The following MEF2A variants were observed in gnomAD, a reference collection of about 807,000 sequenced individuals.
MEF2A encodes myocyte-specific enhancer factor 2A.
In MEF2A, 28 loss-of-function variants were observed where a neutral mutation model predicts 55.8. The observed-to-expected ratio is 0.50, with a 90% CI of 0.37 to 0.69. The LOEUF is 0.69. MEF2A is among the 30% of genes least tolerant of loss of function. MEF2A has a pLI of 0.00. For synonymous variants in MEF2A, 239 were observed against 227.1 expected, an observed-to-expected ratio of 1.05 and a Z score of -0.47; for missense variants, 528 against 626.2, an observed-to-expected ratio of 0.84 and a Z score of 1.67.
intron 1 of MEF2A, among the ~76,000 whole-genome samples, chr15:99,580,066 A>G (rs1965479545): frequency 6.6e-6 from 1 of 151,914 alleles, no homozygotes. Context: ...CACTATTTTC[A>G]GATTTTAGGG....
chr15:99,620,611 T>C (rs996259955), intron 2 of MEF2A, among the ~76,000 whole-genome samples: 2 of 152,180 alleles, frequency 1.3e-5, no homozygotes, highest in African/African-American at 4.8e-5. Flanking sequence ...AGGTTGATTC[T>C]GTGTCTTTGC....
At chr15:99,697,236 G>A (rs1299984382) in intron 8 of MEF2A, among the ~76,000 whole-genome samples, 2 of 151,862 alleles carry the variant, frequency 1.3e-5, no homozygotes, top group African/African-American at 4.8e-5. Context: ...GTCCTAGCCA[G>A]TACAGTTAGG....
chr15:99,616,006 T>C (rs1462700678), intron 2 of MEF2A, among the ~76,000 whole-genome samples: 2 of 152,096 alleles, frequency 1.3e-5, no homozygotes, highest in Non-Finnish European at 2.9e-5. Flanking sequence ...AAATAAAAAC[T>C]GTGTTGACTT....
intron 5 of MEF2A, chr15:99,671,715 A>AT: frequency 2.1e-6 from 3 of 1,425,652 alleles, no homozygotes; most frequent in Non-Finnish European, 2.8e-6. Flanking sequence ...TTGACCAAAC[A>AT]TCTTGTTGCT....
chr15:99,567,375 A>G (rs1960128927), intron 1 of MEF2A, among the ~76,000 whole-genome samples: 1 of 152,228 alleles, frequency 6.6e-6, no homozygotes, highest in Admixed American at 6.5e-5. Flanking sequence ...GGTTCTCTAA[A>G]GCTGTAATTA....
intron 4 of MEF2A, among the ~76,000 whole-genome samples, chr15:99,660,669 T>C (rs1460365214): frequency 6.6e-6 from 1 of 152,164 alleles, no homozygotes; most frequent in Non-Finnish European, 1.5e-5. Context: ...GCCACTGAGA[T>C]TTATGGATTT....
intron 7 of MEF2A, among the ~76,000 whole-genome samples, chr15:99,688,025 C>T (rs1286260584): frequency 6.6e-6 from 1 of 152,188 alleles, no homozygotes; most frequent in African/African-American, 2.4e-5. Flanking sequence ...CATCAGGAAC[C>T]TCTGGTTCAC....
chr15:99,633,733 T>TTTACCCACCTTACAGTGTGGGTAAA (rs2043293820), intron 3 of MEF2A, among the ~76,000 whole-genome samples: 2 of 151,884 alleles, frequency 1.3e-5, no homozygotes. Flanking sequence ...TCCTTACAGA[T>TTTACCCACCTTACAGTGTGGGTAAA]TCAAGGTAAT....
intron 4 of MEF2A, among the ~76,000 whole-genome samples, chr15:99,659,594 A>G (rs2048311070): frequency 6.6e-6 from 1 of 152,178 alleles, no homozygotes; most frequent in South Asian, 2.1e-4. Flanking sequence ...TGAGCATAGC[A>G]TATTGGAAAG....
At chr15:99,643,654 C>A (rs544611590) in intron 3 of MEF2A, among the ~76,000 whole-genome samples, 1 of 147,826 alleles carries the variant, frequency 6.8e-6, no homozygotes, top group African/African-American at 2.5e-5. Flanking sequence ...TGCAGTGGTG[C>A]GATCTCGGCT....
At chr15:99,682,567 C>G (rs908810815) in intron 7 of MEF2A, among the ~76,000 whole-genome samples, 9 of 152,150 alleles carry the variant, frequency 5.9e-5, no homozygotes, top group African/African-American at 1.2e-4. Flanking sequence ...TATCACTGCA[C>G]TCTACAAAAT....
chr15:99,695,461 A>G (rs1277365245), intron 8 of MEF2A, among the ~76,000 whole-genome samples: 1 of 152,226 alleles, frequency 6.6e-6, no homozygotes, highest in Non-Finnish European at 1.5e-5. Context: ...AAAAAGCAAG[A>G]TAATGGTAGC....
At chr15:99,587,530 G>C (rs1005593515) in intron 1 of MEF2A, among the ~76,000 whole-genome samples, 2 of 152,098 alleles carry the variant, frequency 1.3e-5, no homozygotes, top group African/African-American at 4.8e-5. Flanking sequence ...TCATTTTAGG[G>C]AGAATCAGTA....
Position 99,602,694 on chromosome 15 carries a change from GTGTGTAGGGGTGGGGAGCTTTT to G in MEF2A, c.-143+4189_-143+4210del, listed in dbSNP as rs1567203623. 1.8e-3 allele frequency among the ~76,000 whole-genome samples: 195 copies of G among 109,192 alleles called. 1 individual carries two copies. Among genetic ancestry groups the G allele is most frequent in the Non-Finnish European group, 2.1e-3 (114 of 53,386 alleles). The allele number at this position is 109,192 out of a possible 152,430, so 71.6% of individuals were successfully genotyped here. On this transcript the variant is annotated intron_variant, in intron 2 of 11. Transcript: ENST00000557942. ...TGTGTGTGTGTGTGTGTGTGTGTGT[GTGTGTAGGGGTGGGGAGCTTTT>G]TGTGTGTGTGTGTGGGGGGGTGGGG...
At chr15:99,596,593 C>T (rs1971257914) in intron 1 of MEF2A, among the ~76,000 whole-genome samples, 1 of 152,100 alleles carries the variant, frequency 6.6e-6, no homozygotes, top group African/African-American at 2.4e-5. Context: ...ATTGGTGTTT[C>T]TGTGGATAAA....
intron 1 of MEF2A, among the ~76,000 whole-genome samples, chr15:99,577,349 T>G (rs1438753834): frequency 6.6e-6 from 1 of 152,174 alleles, no homozygotes; most frequent in Non-Finnish European, 1.5e-5. Flanking sequence ...CAGTTTGAAA[T>G]AACTGGTAAC....
intron 7 of MEF2A, among the ~76,000 whole-genome samples, chr15:99,688,202 TTG>T (rs2054673184): frequency 2.0e-5 from 3 of 152,276 alleles, no homozygotes; most frequent in Admixed American, 2.0e-4. Context: ...TACTTTTTAC[TTG>T]TCATTATCTC....
intron 7 of MEF2A, among the ~76,000 whole-genome samples, chr15:99,681,440 A>G (rs1018522528): frequency 6.6e-6 from 1 of 152,226 alleles, no homozygotes; most frequent in African/African-American, 2.4e-5. Flanking sequence ...ATTATTGAAT[A>G]TGTACTGGAA....
At chr15:99,699,117 T>TTACG (rs1225766186) in intron 8 of MEF2A, among the ~76,000 whole-genome samples, 1 of 152,030 alleles carries the variant, frequency 6.6e-6, no homozygotes, top group Non-Finnish European at 1.5e-5. Flanking sequence ...CTTTGAGTAT[T>TTACG]TACGCACATG....
Sources: allele counts gnomAD v4.1 joint callset (sites outside exome capture counted in the v4.1 genomes callset), GRCh38; gene constraint gnomAD v4.1.1; transcripts MANE v1.5; gene names NCBI Gene and HGNC (gene_info 2026-07-23, HGNC 2026-07-21).